The following KMT2B variants were observed in gnomAD, a reference collection of about 807,000 sequenced individuals.
KMT2B encodes histone-lysine N-methyltransferase 2B.
In KMT2B, 22 loss-of-function variants were observed where a neutral mutation model predicts 255.3. The ratio of observed to expected loss-of-function variants is 0.09; its 90% CI spans 0.06 to 0.12. KMT2B has a LOEUF of 0.12. KMT2B is among the 10% of genes least tolerant of loss of function. The probability of loss-of-function intolerance (pLI) is 1.00; values close to 1 mark genes in which losing one functional copy is unlikely to be tolerated. For synonymous variants in KMT2B, 1,730 were observed against 1,498.1 expected (o/e 1.15, Z -3.57); for missense variants, 3,149 against 3,737.0 (o/e 0.84, Z 4.10).
At chr19:35,722,513 G>C (rs747606214) in intron 4 of KMT2B, 41 bp downstream of exon 4, 18 of 1,597,052 alleles carry the variant, frequency 1.1e-5, no homozygotes, top group Admixed American at 1.7e-5. Context: ...ACTGGCGGGA[G>C]GAGTGGGGCT....
intron 26 of KMT2B, among the ~76,000 whole-genome samples, chr19:35,731,340 C>T (rs1021314995): frequency 6.6e-6 from 1 of 152,156 alleles, no homozygotes; most frequent in Non-Finnish European, 1.5e-5. Context: ...AAAGAATGGG[C>T]TTGGAGATGG....
Position 35,733,575 on chromosome 19 carries a change from C to A in KMT2B, c.6960-22C>A, listed in dbSNP as rs1339897621. On this transcript the variant is annotated intron_variant, in intron 28 of 36. Transcript: ENST00000420124. The surrounding 1 kb of genome is among the most constrained non-coding windows in gnomAD (Gnocchi z 4.3). ...AGATGGGCGGGAGATGCGGCTCATC[C>A]TTCTCGGGCTCGCCCTCCCAGGTTT... is the stretch of plus-strand genomic sequence containing the variant. 6.4e-7 allele frequency: 1 copy of A among 1,560,676 alleles called. No homozygotes were observed. Among genetic ancestry groups the A allele is most frequent in the Admixed American group, 1.9e-5 (1 of 51,874 alleles).
At chr19:35,731,459 C>A (rs1026352335) in intron 26 of KMT2B, among the ~76,000 whole-genome samples, 2 of 152,180 alleles carry the variant, frequency 1.3e-5, no homozygotes, top group Non-Finnish European at 2.9e-5. Context: ...GGAGGGTACA[C>A]CCATCCCGTC....
chr19:35,729,138 G>A, intron 21 of KMT2B, 21 bp from the exon 22 acceptor site: 1 of 1,613,896 alleles, frequency 6.2e-7, no homozygotes, highest in Non-Finnish European at 8.5e-7. Flanking sequence ...CCCACATCAT[G>A]CCACTCCTCT....
At position 35,721,723 on chromosome 19, in the gene KMT2B, G is replaced by A; in HGVS notation, c.2376G>A (p.Met792Ile). The A allele has an allele frequency of 6.2e-7, 1 of 1,610,622 alleles. No homozygotes were observed. Among genetic ancestry groups the A allele is most frequent in the South Asian group, 1.1e-5 (1 of 90,616 alleles). Reference sequence around the variant, plus strand: ...CGCTGTCTGGGGTAGAGGAGAAGATGTTCAGCCTCCTCAAGAGAGCCAAAG... The same window carrying A: ...CGCTGTCTGGGGTAGAGGAGAAGATATTCAGCCTCCTCAAGAGAGCCAAAG... The part of the protein sequence containing the change: ...SLPLSGVEEK[M>I]FSLLKRAKVQ... The change falls in exon 3 of 37, where the codon ATG becomes ATA. Residue 792 changes from methionine to isoleucine, a missense_variant. By Grantham distance (10) the Met-to-Ile change is conservative (BLOSUM62 1). Coordinates refer to ENST00000420124, the MANE Select transcript of KMT2B (RefSeq NM_014727.3).
rs1366081328 is a variant in KMT2B, at chr19:35,737,835, G to A, written c.7659-24G>A. 6.4e-7 allele frequency: 1 copy of A among 1,557,244 alleles called. No individual in the cohort carries two copies. Among genetic ancestry groups the A allele is most frequent in the African/African-American group, 1.4e-5 (1 of 73,328 alleles). On this transcript the variant is annotated intron_variant, in intron 34 of 36. Coordinates refer to ENST00000420124, the MANE Select transcript of KMT2B (RefSeq NM_014727.3). This position sits in a 1 kb window ranked among gnomAD's most constrained non-coding sequence, Gnocchi z 5.3. ...AGAGGTCATTCTGAGCACCAGCCTG[G>A]GTGACACTGCTGTCCCTCACCAGAC...
chr19:35,725,113 C>A lies in KMT2B; in HGVS notation c.3528+26C>A. 6.3e-7 allele frequency: 1 copy of A among 1,594,730 alleles called. No homozygotes were observed. The highest frequency in any genetic ancestry group is 8.6e-7 in the Non-Finnish European group (1 of 1,162,422). ...GTATGGCATTGAGTGGGGCGAGTCACAGAGCCTCTGGTTGGAAGAACCTCG... is the reference window on the plus strand; with the variant it reads ...GTATGGCATTGAGTGGGGCGAGTCAAAGAGCCTCTGGTTGGAAGAACCTCG... On this transcript the variant is annotated intron_variant, in intron 10 of 36. Transcript: ENST00000420124. The surrounding 1 kb of genome is among the most constrained non-coding windows in gnomAD (Gnocchi z 4.1).
chr19:35,723,659 C>T lies in KMT2B; in HGVS notation c.3059-73C>T. ...CCTGCGTTCATTCCCTGCCCCGCTTCTTTCTGGCTTCTCTCCCAGTGTCCC... is the reference window on the plus strand; with the variant it reads ...CCTGCGTTCATTCCCTGCCCCGCTTTTTTCTGGCTTCTCTCCCAGTGTCCC... On this transcript the variant is annotated intron_variant, in intron 7 of 36. Coordinates refer to ENST00000420124, the MANE Select transcript of KMT2B (RefSeq NM_014727.3). This position sits in a 1 kb window ranked among gnomAD's most constrained non-coding sequence, Gnocchi z 7.5. 7.2e-7 allele frequency: 1 copy of T among 1,395,330 alleles called. No homozygotes were observed. Among genetic ancestry groups the T allele is most frequent in the Non-Finnish European group, 9.7e-7 (1 of 1,032,318 alleles). The allele number at this position is 1,395,330 out of a possible 1,614,324, so 86.4% of individuals were successfully genotyped here. A position where few individuals can be genotyped will look rare whatever the true frequency, so the allele number is the denominator to read the frequency against.
Position 35,725,615 on chromosome 19 carries a change from G to A in KMT2B, c.3779G>A (p.Arg1260His), listed in dbSNP as rs771120688. The A allele has an allele frequency of 2.1e-5, 34 of 1,610,872 alleles. 1 individual carries two copies. In the South Asian group the frequency reaches 2.4e-4, roughly 11 times the overall value. Residue 1260 changes from arginine to histidine, a missense_variant, in exon 12 of 37, where the codon CGT (arginine) becomes CAT (histidine). By Grantham distance (29) the Arg-to-His change is conservative (BLOSUM62 0). Transcript: ENST00000420124. The surrounding 1 kb of genome is among the most constrained non-coding windows in gnomAD (Gnocchi z 4.1). The part of the protein sequence containing the change: ...KFCHVCGRKG[R>H]GSKHLLECER... ...TGCCACGTCTGTGGACGCAAAGGTC[G>A]TGGATCCAAGGTTTGGGCCCAAGGG...
In KMT2B at chr19:35,730,181, T is replaced by TA. The variant is rs1969635875; in HGVS notation, c.5076+57dup. 4 of 1,609,256 alleles carry TA rather than the reference T, an allele frequency of 2.5e-6. No individual in the cohort carries two copies. The Admixed American group carries it at 5.0e-5, about 20-fold the overall frequency. ...TTCCCCACCTCTCTTCCTGTTCACTTAGGGACCCCCGTGGCCCCCAGGCCT... is the reference window on the plus strand; with the variant it reads ...TTCCCCACCTCTCTTCCTGTTCACTTAAGGGACCCCCGTGGCCCCCAGGCCT... On this transcript the variant is annotated intron_variant, in intron 23 of 36. Transcript: ENST00000420124.
chr19:35,719,984 C>T lies in KMT2B; in HGVS notation c.637C>T (p.Pro213Ser). The change falls in exon 3 of 37, where the codon CCC becomes TCC. Residue 213 changes from proline to serine, a missense_variant. Physicochemically the swap from Pro to Ser is moderately conservative, Grantham distance 74. Transcript: ENST00000420124. Reference sequence around the variant, plus strand: ...AGCACCCCGGAGCCGGGCATGTGAGCCCTCCACCCCCCGGCGGTCTCGGGG... The same window carrying T: ...AGCACCCCGGAGCCGGGCATGTGAGTCCTCCACCCCCCGGCGGTCTCGGGG... ...PQAPRSRACE[P>S]STPRRSRGRP... 1 of 1,613,182 alleles carries T rather than the reference C, an allele frequency of 6.2e-7. No individual in the cohort carries two copies. The highest frequency in any genetic ancestry group is 8.5e-7 in the Non-Finnish European group (1 of 1,179,732).
chr19:35,720,868 G>A lies in KMT2B; in HGVS notation c.1521G>A (p.Pro507=), dbSNP rs541943377. 53 of 1,589,084 alleles carry A rather than the reference G, an allele frequency of 3.3e-5. No homozygotes were observed. Among genetic ancestry groups the A allele is most frequent in the Non-Finnish European group, 3.9e-5 (46 of 1,168,408 alleles). The change falls in exon 3 of 37, where the codon CCG becomes CCA. Residue 507 remains proline (P), a synonymous_variant. Transcript: ENST00000420124. Reference sequence around the variant, plus strand: ...CCAGCACCGCCACGGGAGGCCCTCCGGAAGACAGTCCCACCGTGGCCCCCA... The same window carrying A: ...CCAGCACCGCCACGGGAGGCCCTCCAGAAGACAGTCCCACCGTGGCCCCCA... ...PTPSTATGGP[P]EDSPTVAPKS...
chr19:35,722,011 T>A (rs976781877), intron 3 of KMT2B, among the ~76,000 whole-genome samples: 3 of 151,392 alleles, frequency 2.0e-5, no homozygotes, highest in Non-Finnish European at 2.9e-5. Context: ...TCCTTTTTTT[T>A]TTTTTTTTAT....
Position 35,732,941 on chromosome 19 carries a change from C to G in KMT2B, c.6392C>G (p.Pro2131Arg), listed in dbSNP as rs1969768651. The G allele has an allele frequency of 1.9e-6, 3 of 1,607,708 alleles. No homozygotes were observed. The highest frequency in any genetic ancestry group is 1.7e-5 in the Admixed American group (1 of 59,194). Residue 2131 changes from proline (P) to arginine (R), a missense_variant, in exon 28 of 37, where the codon CCT (proline) becomes CGT (arginine). This residue lies in a region of KMT2B where 897 missense variants were observed against 825.3 expected (regional missense o/e 1.09). Transcript: ENST00000420124. ...LGGPGDGGAGPREESLPPAPP... is the reference protein window; with the variant it reads ...LGGPGDGGAGRREESLPPAPP... ...GGTCCTGGGGATGGAGGTGCTGGCCCTAGAGAGGAGTCACTCCCCCCGGCG... is the reference window on the plus strand; with the variant it reads ...GGTCCTGGGGATGGAGGTGCTGGCCGTAGAGAGGAGTCACTCCCCCCGGCG...
chr19:35,727,132 A>T lies in KMT2B; in HGVS notation c.4004-24A>T. On this transcript the variant is annotated intron_variant, in intron 14 of 36. Coordinates refer to ENST00000420124, the MANE Select transcript of KMT2B (RefSeq NM_014727.3). This position sits in a 1 kb window ranked among gnomAD's most constrained non-coding sequence, Gnocchi z 4.2. ...CTGAGTGGGAACTCCAGCACCTCTG[A>T]CTCCTTCTCTTCCCTTTCTCTAGGA... 1.3e-6 allele frequency: 2 copies of T among 1,551,016 alleles called. No individual in the cohort carries two copies. Among genetic ancestry groups the T allele is most frequent in the Non-Finnish European group, 1.8e-6 (2 of 1,132,218 alleles).
Position 35,733,799 on chromosome 19 carries a change from G to T in KMT2B, c.7086G>T (p.Pro2362=). The part of the protein sequence containing the change: ...LQERSPLLPL[P]EDGPPQVPDG... ...AACGGTCCCCTTTGCTGCCACTTCC[G>T]GAAGATGGTCCTCCCCAGGTCCCCG... is the stretch of plus-strand genomic sequence containing the variant. Residue 2362 remains proline, a synonymous_variant, in exon 30 of 37, where the codon CCG becomes CCT. Coordinates refer to ENST00000420124, the MANE Select transcript of KMT2B (RefSeq NM_014727.3). This position sits in a 1 kb window ranked among gnomAD's most constrained non-coding sequence, Gnocchi z 4.3. 6.2e-7 allele frequency: 1 copy of T among 1,613,646 alleles called. No individual in the cohort carries two copies. The highest frequency in any genetic ancestry group is 8.5e-7 in the Non-Finnish European group (1 of 1,179,692).
Position 35,732,388 on chromosome 19 carries a change from G to C in KMT2B, c.5839G>C (p.Val1947Leu). 6.2e-7 allele frequency: 1 copy of C among 1,613,166 alleles called. No individual in the cohort carries two copies. Among genetic ancestry groups the C allele is most frequent in the Admixed American group, 1.7e-5 (1 of 59,930 alleles). Residue 1947 changes from valine (V) to leucine (L), a missense_variant, in exon 28 of 37, where the codon GTC (valine) becomes CTC (leucine). By Grantham distance (32) the Val-to-Leu change is conservative (BLOSUM62 1). Transcript: ENST00000420124. ...GCTCAGGGTGCCCCCTCCTACCTCA[G>C]TCGTCACAGCCCTCACACCTACCTC... ...PQLRVPPPTSVVTALTPTSGE... is the reference protein window; with the variant it reads ...PQLRVPPPTSLVTALTPTSGE...
Position 35,722,977 on chromosome 19 carries a change from C to T in KMT2B, c.2723-18C>T, listed in dbSNP as rs745831596. 3 of 1,540,046 alleles carry T rather than the reference C, an allele frequency of 1.9e-6. No individual in the cohort carries two copies. Among genetic ancestry groups the T allele is most frequent in the Non-Finnish European group, 2.6e-6 (3 of 1,138,528 alleles). ...TGGCTTTGTGGCTCCATCCCCTCCT[C>T]CCTGCCTGCTGCAATAGATACATCA... is the stretch of plus-strand genomic sequence containing the variant. On this transcript the variant is annotated intron_variant, in intron 5 of 36. Coordinates refer to ENST00000420124, the MANE Select transcript of KMT2B (RefSeq NM_014727.3).
At position 35,725,632 on chromosome 19, in the gene KMT2B, G is replaced by T. The variant is rs1568374210; in HGVS notation, c.3789+7G>T. On this transcript the variant is annotated splice_region_variant and intron_variant, in intron 12 of 36. Coordinates refer to ENST00000420124, the MANE Select transcript of KMT2B (RefSeq NM_014727.3). This position sits in a 1 kb window ranked among gnomAD's most constrained non-coding sequence, Gnocchi z 4.1. Reference sequence around the variant, plus strand: ...CAAAGGTCGTGGATCCAAGGTTTGGGCCCAAGGGCTGGCCAGGGTGGGTGG... The same window carrying T: ...CAAAGGTCGTGGATCCAAGGTTTGGTCCCAAGGGCTGGCCAGGGTGGGTGG... 1 of 1,611,772 alleles carries T rather than the reference G, an allele frequency of 6.2e-7. No individual in the cohort carries two copies. Among genetic ancestry groups the T allele is most frequent in the Admixed American group, 1.7e-5 (1 of 60,032 alleles).
Sources: gnomAD v4.1 joint callset for allele counts (sites outside exome capture counted in the v4.1 genomes callset) on GRCh38, gnomAD v4.1.1 for gene constraint, gnomAD v4.1.1 regional missense constraint, Gnocchi (gnomAD v3.1) non-coding constraint, MANE v1.5 for transcripts, NCBI Gene and HGNC (gene_info 2026-07-23, HGNC 2026-07-21) for gene names.